The following NELL2 variants were observed in gnomAD, a reference collection of about 807,000 sequenced individuals.
NELL2 encodes protein kinase C-binding protein NELL2.
Under a neutral mutation model 109.6 loss-of-function variants are expected in NELL2, and 41 were observed. The ratio of observed to expected loss-of-function variants is 0.37; its 90% CI spans 0.29 to 0.49. The LOEUF (loss-of-function observed/expected upper bound fraction) is 0.49. NELL2 is among the 20% of genes least tolerant of loss of function. NELL2 has a pLI of 0.98. For synonymous variants in NELL2, 355 were observed against 344.7 expected, an observed-to-expected ratio of 1.03 and a Z score of -0.33; for missense variants, 900 against 1,008.3, an observed-to-expected ratio of 0.89 and a Z score of 1.45.
chr12:44,798,643 G>A (rs1942714529), intron 3 of NELL2, among the ~76,000 whole-genome samples: 1 of 151,992 alleles, frequency 6.6e-6, no homozygotes, highest in Non-Finnish European at 1.5e-5. Flanking sequence ...AAAGAAATGT[G>A]AAAAATACAA....
At chr12:44,918,596 G>A (rs1352519326), upstream of NELL2, among the ~76,000 whole-genome samples, 1 of 148,132 alleles carries the variant, frequency 6.8e-6, no homozygotes, top group Non-Finnish European at 1.5e-5. Flanking sequence ...AAAAACCTAA[G>A]AACCTTAATT....
intron 9 of NELL2, among the ~76,000 whole-genome samples, chr12:44,753,200 C>T (rs1353337241): frequency 1.3e-5 from 2 of 152,164 alleles, no homozygotes; most frequent in Non-Finnish European, 2.9e-5. Flanking sequence ...CATGCCCCTA[C>T]CTTATCCTGA....
At chr12:44,738,369 T>C (rs1207800852) in intron 9 of NELL2, among the ~76,000 whole-genome samples, 4 of 152,044 alleles carry the variant, frequency 2.6e-5, no homozygotes, top group Non-Finnish European at 5.9e-5. Flanking sequence ...TGCAGCAGTA[T>C]TCATAATAGC....
intron 13 of NELL2, among the ~76,000 whole-genome samples, chr12:44,622,976 C>A (rs1180388991): frequency 6.6e-6 from 1 of 152,050 alleles, no homozygotes; most frequent in Admixed American, 6.6e-5. Flanking sequence ...TTATTTCATG[C>A]TTCTGTGTTT....
Position 44,629,608 on chromosome 12 carries a change from T to C in NELL2, c.1445-18638A>G, listed in dbSNP as rs186710104. On this transcript the variant is annotated intron_variant, in intron 13 of 19. Coordinates refer to ENST00000429094, the MANE Select transcript of NELL2 (RefSeq NM_001145108.2). ...TCAGAGACAGATCGGGCACATACAA[T>C]GAAATAGTGCATTGAGAACTCTCTC... is the stretch of plus-strand genomic sequence containing the variant. Among the ~76,000 whole-genome samples the C allele has an allele frequency of 2.3e-3, 356 of 152,294 alleles. 1 individual carries two copies. The highest frequency in any genetic ancestry group is 8.3e-3 in the African/African-American group (343 of 41,560).
chr12:44,794,103 T>C (rs367793760), intron 3 of NELL2, among the ~76,000 whole-genome samples: 2 of 152,256 alleles, frequency 1.3e-5, no homozygotes, highest in East Asian at 3.9e-4. Context: ...AGCAGGATGG[T>C]TGAACATCTA....
At chr12:44,913,651 T>C (rs774274008) in intron 1 of NELL2, 6 of 371,452 alleles carry the variant, frequency 1.6e-5, no homozygotes, top group Non-Finnish European at 3.0e-5. Flanking sequence ...ATAAAATTCG[T>C]AAACGTTAAT....
intron 12 of NELL2, among the ~76,000 whole-genome samples, chr12:44,691,475 C>T (rs1948898164): frequency 6.6e-6 from 1 of 152,064 alleles, no homozygotes; most frequent in South Asian, 2.1e-4. Context: ...CACGCTATTC[C>T]CTGGGATACA....
intron 15 of NELL2, among the ~76,000 whole-genome samples, chr12:44,549,552 A>C (rs560937288): frequency 6.6e-6 from 1 of 152,300 alleles, no homozygotes; most frequent in African/African-American, 2.4e-5. Context: ...AGGAACTAGT[A>C]AAGGAATTGA....
intron 9 of NELL2, among the ~76,000 whole-genome samples, chr12:44,715,448 A>G (rs1280126172): frequency 5.3e-5 from 8 of 151,862 alleles, no homozygotes; most frequent in African/African-American, 1.9e-4. Flanking sequence ...CAGTTCACAC[A>G]AACATTTAGC....
intron 11 of NELL2, among the ~76,000 whole-genome samples, chr12:44,708,602 A>G (rs901373621): frequency 6.6e-6 from 1 of 152,238 alleles, no homozygotes; most frequent in Non-Finnish European, 1.5e-5. Flanking sequence ...TTTGAAAGTT[A>G]GAAAATGCCA....
intron 9 of NELL2, among the ~76,000 whole-genome samples, chr12:44,771,874 C>T (rs1240641929): frequency 6.6e-6 from 1 of 152,176 alleles, no homozygotes; most frequent in Non-Finnish European, 1.5e-5. Flanking sequence ...ATGAAGCAAG[C>T]CTGAAAGCAT....
rs539110915 is a variant in NELL2, at chr12:44,630,307, T to C, written c.1445-19337A>G. 2.9e-3 allele frequency among the ~76,000 whole-genome samples: 447 copies of C among 152,272 alleles called. 4 individuals are homozygous for C. Among genetic ancestry groups the C allele is most frequent in the Non-Finnish European group, 4.7e-3 (317 of 68,022 alleles). ...TAGTATTGTTAACCCCATTGTATAC[T>C]ATAAGGCAAATGAAGCATGAAAAGG... On this transcript the variant is annotated intron_variant, in intron 13 of 19. Coordinates refer to ENST00000429094, the MANE Select transcript of NELL2 (RefSeq NM_001145108.2).
intron 13 of NELL2, among the ~76,000 whole-genome samples, chr12:44,644,625 T>C (rs148819144): frequency 0.076 from 7,540 of 98,762 alleles, 483 homozygotes; most frequent in African/African-American, 0.18. Flanking sequence ...TATATATATA[T>C]ACATACATAT....
At chr12:44,893,545 ATC>A (rs771212108) in intron 1 of NELL2, among the ~76,000 whole-genome samples, 2 of 152,126 alleles carry the variant, frequency 1.3e-5, no homozygotes, top group Non-Finnish European at 2.9e-5. Context: ...TCTGCTTGGT[ATC>A]TCTTTACCAC....
chr12:44,627,368 A>G (rs991556570), intron 13 of NELL2, among the ~76,000 whole-genome samples: 1 of 152,086 alleles, frequency 6.6e-6, no homozygotes, highest in African/African-American at 2.4e-5. Flanking sequence ...CTTTGAATCA[A>G]GAATCTATTC....
At chr12:44,689,790 G>T (rs1313701945) in intron 12 of NELL2, among the ~76,000 whole-genome samples, 1 of 152,084 alleles carries the variant, frequency 6.6e-6, no homozygotes, top group Non-Finnish European at 1.5e-5. Context: ...GCATCTAGTG[G>T]GTAGAGATCA....
At chr12:44,617,691 CAAAAAAAAA>C (rs975070930) in intron 13 of NELL2, among the ~76,000 whole-genome samples, 3 of 22,390 alleles carry the variant, frequency 1.3e-4, no homozygotes, top group Non-Finnish European at 2.2e-4. Context: ...GACTCCGTCT[CAAAAAAAAA>C]AAAAAAAAAA....
intron 15 of NELL2, among the ~76,000 whole-genome samples, chr12:44,573,521 A>G (rs756386857): frequency 6.6e-6 from 1 of 152,234 alleles, no homozygotes; most frequent in Non-Finnish European, 1.5e-5. Flanking sequence ...CAAAAAACCC[A>G]CTAATAAATA....
Sources: allele counts gnomAD v4.1 joint callset (sites outside exome capture counted in the v4.1 genomes callset), GRCh38; gene constraint gnomAD v4.1.1; transcripts MANE v1.5; gene names NCBI Gene and HGNC (gene_info 2026-07-23, HGNC 2026-07-21).